RYK: variants seen among roughly 807,000 people sequenced by gnomAD.
RYK encodes receptor like tyrosine kinase.
A neutral mutation model predicts 70.2 loss-of-function variants in RYK; 21 were observed. The ratio of observed to expected loss-of-function variants is 0.30; its 90% CI spans 0.21 to 0.43. The LOEUF is 0.43. Among genes scored for constraint, RYK ranks in the 20% least tolerant of loss-of-function variants. The pLI is 1.00. For synonymous variants in RYK, 267 were observed against 278.0 expected (o/e 0.96, Z 0.39); for missense variants, 604 against 753.3 (o/e 0.80, Z 2.32).
At chr3:134,215,504 T>G (rs771309127) in intron 2 of RYK, among the ~76,000 whole-genome samples, 6 of 152,248 alleles carry the variant, frequency 3.9e-5, no homozygotes, top group Non-Finnish European at 7.3e-5. Context: ...CTCTTTTCCC[T>G]CTGCAGTCTT....
At chr3:134,219,145 A>ATT (rs2014654432) in intron 2 of RYK, among the ~76,000 whole-genome samples, 1 of 152,138 alleles carries the variant, frequency 6.6e-6, no homozygotes, top group South Asian at 2.1e-4. Context: ...CAGCTATACC[A>ATT]AGGCTTCTCC....
chr3:134,212,267 C>A (rs2014422782), intron 2 of RYK, among the ~76,000 whole-genome samples: 1 of 152,202 alleles, frequency 6.6e-6, no homozygotes, highest in African/African-American at 2.4e-5. Flanking sequence ...CTTGGCCTAC[C>A]CAATGTGGCT....
intron 10 of RYK, chr3:134,180,243 T>C (rs1043928760): frequency 2.6e-5 from 4 of 152,156 alleles, no homozygotes; most frequent in Admixed American, 2.6e-4. Context: ...CAAGAGTACT[T>C]TGATGTGAAG....
At chr3:134,196,466 G>A (rs987673764) in intron 6 of RYK, among the ~76,000 whole-genome samples, 1 of 151,904 alleles carries the variant, frequency 6.6e-6, no homozygotes, top group African/African-American at 2.4e-5. Flanking sequence ...TAATAAAGCT[G>A]AGTGCGGTGT....
intron 3 of RYK, among the ~76,000 whole-genome samples, chr3:134,210,277 A>G (rs1452990853): frequency 6.6e-6 from 1 of 152,236 alleles, no homozygotes; most frequent in African/African-American, 2.4e-5. Context: ...TGCTCTTAAT[A>G]AAAAGATTAA....
At chr3:134,217,153 T>C (rs2014581559) in intron 2 of RYK, among the ~76,000 whole-genome samples, 1 of 152,222 alleles carries the variant, frequency 6.6e-6, no homozygotes. Flanking sequence ...GTGAAACTAA[T>C]GTTAAAGTAT....
Position 134,195,192 on chromosome 3 carries a change from A to G in RYK, c.789-10T>C. 2 of 1,592,594 alleles carry G rather than the reference A, an allele frequency of 1.3e-6. No individual in the cohort carries two copies. The highest frequency in any genetic ancestry group is 1.7e-6 in the Non-Finnish European group (2 of 1,163,614). The stretch of plus-strand genomic sequence containing the variant: ...ACTGCTGGCACTAATGCTGCAAACA[A>G]TTTTTGAGAGAAATATTTGACAAGT... On this transcript the variant is annotated splice_polypyrimidine_tract_variant and intron_variant, in intron 6 of 14. Coordinates refer to ENST00000623711, the MANE Select transcript of RYK (RefSeq NM_002958.4).
At chr3:134,231,796 TTTACAATCA>T (rs2015064421) in intron 1 of RYK, among the ~76,000 whole-genome samples, 1 of 152,168 alleles carries the variant, frequency 6.6e-6, no homozygotes, top group Non-Finnish European at 1.5e-5. Context: ...GTTCTGTTTC[TTTACAATCA>T]TGCCATCAAA....
At chr3:134,216,338 G>T (rs1429349056) in intron 2 of RYK, among the ~76,000 whole-genome samples, 3 of 152,114 alleles carry the variant, frequency 2.0e-5, no homozygotes, top group Non-Finnish European at 4.4e-5. Context: ...GGACACAGCT[G>T]CTGGCCTCCA....
chr3:134,182,338 A>C (rs771284319), intron 10 of RYK, among the ~76,000 whole-genome samples: 7 of 152,286 alleles, frequency 4.6e-5, no homozygotes, highest in African/African-American at 1.7e-4. Context: ...AGTCAGATAC[A>C]TTGTTTCATT....
At chr3:134,202,466 G>T (rs1461030712) in intron 6 of RYK, 1 of 377,078 alleles carries the variant, frequency 2.7e-6, no homozygotes, top group Non-Finnish European at 4.7e-6. Context: ...GTAGAGTCAT[G>T]TCAAAGGGAA....
intron 8 of RYK, 64 bp from the exon 9 acceptor site, chr3:134,188,987 T>C: frequency 1.1e-6 from 1 of 940,080 alleles, no homozygotes; most frequent in Non-Finnish European, 1.6e-6. Context: ...TACAAAACTT[T>C]CTGGCACAAT....
At chr3:134,166,515 A>G (rs747398878) in intron 13 of RYK, among the ~76,000 whole-genome samples, 2 of 152,192 alleles carry the variant, frequency 1.3e-5, no homozygotes, top group Admixed American at 6.5e-5. Flanking sequence ...AAAAGTGACT[A>G]CTTCTGCTAT....
intron 9 of RYK, among the ~76,000 whole-genome samples, chr3:134,186,606 G>A (rs868217188): frequency 6.6e-6 from 1 of 152,314 alleles, no homozygotes; most frequent in South Asian, 2.1e-4. Flanking sequence ...ACAGCTCACA[G>A]AGAACATTAT....
At chr3:134,233,225 C>T (rs1271703825) in intron 1 of RYK, among the ~76,000 whole-genome samples, 2 of 152,200 alleles carry the variant, frequency 1.3e-5, no homozygotes, top group Non-Finnish European at 2.9e-5. Flanking sequence ...TGTTGGTGCT[C>T]TGCTTTAATT....
chr3:134,199,605 G>T (rs1278209637), intron 6 of RYK, among the ~76,000 whole-genome samples: 1 of 152,144 alleles, frequency 6.6e-6, no homozygotes, highest in East Asian at 1.9e-4. Flanking sequence ...TCAATAAATG[G>T]TAATCCCAGT....
chr3:134,248,794 G>A (rs1026678774), intron 1 of RYK, among the ~76,000 whole-genome samples: 3 of 151,922 alleles, frequency 2.0e-5, no homozygotes, highest in Non-Finnish European at 4.4e-5. Flanking sequence ...GCGAGACTCC[G>A]TCTAAAAAAA....
Position 134,250,440 on chromosome 3 carries a change from T to C in RYK, c.215A>G (p.Glu72Gly). Residue 72 changes from glutamate (E) to glycine (G), a missense_variant, in exon 1 of 15, where the codon GAG becomes GGG. Coordinates refer to ENST00000623711, the MANE Select transcript of RYK (RefSeq NM_002958.4). ...CCACTCACCGATCAGCCGGCGCACC[T>C]CGTCCTCGCTCAGGTAGAGACTCAC... ...PSVSLYLSED[E>G]VRRLIGLDAE... 7.1e-7 allele frequency: 1 copy of C among 1,406,754 alleles called. No individual in the cohort carries two copies. The highest frequency in any genetic ancestry group is 9.3e-7 in the Non-Finnish European group (1 of 1,078,476). 87.1% of individuals were successfully genotyped at this position (1,406,754 alleles called of 1,614,324 possible). A position where few individuals can be genotyped will look rare whatever the true frequency, so the allele number is the denominator to read the frequency against.
At chr3:134,235,117 CA>C (rs1254745263) in intron 1 of RYK, among the ~76,000 whole-genome samples, 1 of 151,960 alleles carries the variant, frequency 6.6e-6, no homozygotes, top group Non-Finnish European at 1.5e-5. Flanking sequence ...GACCACCGGG[CA>C]ATGGTAAGAA....
Sources: gnomAD v4.1 joint callset for allele counts (sites outside exome capture counted in the v4.1 genomes callset) on GRCh38, gnomAD v4.1.1 for gene constraint, MANE v1.5 for transcripts, NCBI Gene and HGNC (gene_info 2026-07-23, HGNC 2026-07-21) for gene names.